EVA1A: variants seen among roughly 807,000 people sequenced by gnomAD.
EVA1A encodes the protein eva-1 homolog A, regulator of programmed cell death.
In EVA1A, 7 loss-of-function variants were observed where a neutral mutation model predicts 9.8. The ratio of observed to expected loss-of-function variants is 0.71; its 90% CI spans 0.41 to 1.34. The LOEUF (loss-of-function observed/expected upper bound fraction) is 1.34. EVA1A is among the 40% of genes most tolerant of loss of function. EVA1A has a pLI of 0.01. For missense variants in EVA1A, 206 were observed against 205.9 expected (o/e 1.00, Z 0.00); for synonymous variants, 90 against 85.6 (o/e 1.05, Z -0.28).
At chr2:75,502,108 A>G (rs1674449007) in intron 3 of EVA1A, among the ~76,000 whole-genome samples, 1 of 152,202 alleles carries the variant, frequency 6.6e-6, no homozygotes, top group African/African-American at 2.4e-5. Flanking sequence ...GTGTTAGTAG[A>G]AGTGTGTAGC....
chr2:75,555,772 C>T (rs1676689441), intron 1 of EVA1A, among the ~76,000 whole-genome samples: 1 of 152,170 alleles, frequency 6.6e-6, no homozygotes, highest in African/African-American at 2.4e-5. Flanking sequence ...CCATCTCTGC[C>T]CTCCAGTCCC....
chr2:75,522,746 T>A (rs1330266392), intron 1 of EVA1A, among the ~76,000 whole-genome samples: 1 of 152,192 alleles, frequency 6.6e-6, no homozygotes, highest in East Asian at 1.9e-4. Context: ...CAAAGAAACA[T>A]GCTTCCTCTC....
At chr2:75,509,465 T>A (rs544826546) in intron 3 of EVA1A, among the ~76,000 whole-genome samples, 1 of 152,290 alleles carries the variant, frequency 6.6e-6, no homozygotes, top group South Asian at 2.1e-4. Flanking sequence ...GGAGCACTTC[T>A]ATGAAAACAA....
At chr2:75,528,791 A>AT (rs570350590) in intron 1 of EVA1A, among the ~76,000 whole-genome samples, 66 of 152,288 alleles carry the variant, frequency 4.3e-4, no homozygotes, top group African/African-American at 1.5e-3. Context: ...GCAAGCTTGC[A>AT]TCCCCCAATA....
intron 1 of EVA1A, among the ~76,000 whole-genome samples, chr2:75,544,070 C>T (rs944450740): frequency 3.3e-4 from 51 of 152,308 alleles, no homozygotes; most frequent in Non-Finnish European, 5.7e-4. Flanking sequence ...TTATAATATA[C>T]TCATGCCCGC....
At chr2:75,540,904 G>A (rs1676092474) in intron 1 of EVA1A, 1 of 152,334 alleles carries the variant, frequency 6.6e-6, no homozygotes, top group African/African-American at 2.4e-5. Context: ...TACAACCAAG[G>A]TAGGGACAGA....
intron 3 of EVA1A, among the ~76,000 whole-genome samples, chr2:75,506,653 A>T (rs1455518195): frequency 6.6e-6 from 1 of 152,206 alleles, no homozygotes; most frequent in African/African-American, 2.4e-5. Flanking sequence ...AATATCCATG[A>T]TACATCTTTC....
At chr2:75,501,006 T>A (rs1674397645) in intron 3 of EVA1A, among the ~76,000 whole-genome samples, 1 of 151,504 alleles carries the variant, frequency 6.6e-6, no homozygotes, top group Non-Finnish European at 1.5e-5. Flanking sequence ...ACTCCTATTA[T>A]TTACCTTATT....
chr2:75,563,313 T>C (rs1271505553), upstream of EVA1A, among the ~76,000 whole-genome samples: 2 of 152,208 alleles, frequency 1.3e-5, no homozygotes, highest in African/African-American at 2.4e-5. Context: ...CTACGGGTCA[T>C]TCTCCAGAAC....
In EVA1A at chr2:75,518,171, C is replaced by G; in HGVS notation, c.-31G>C. On this transcript the variant is annotated 5_prime_UTR_variant, in exon 3 of 4. Transcript: ENST00000393913. ...ATCCAGAGGGGACCTCCTGGAGGTG[C>G]TTGGCTGAATCAACGTGGCCACTCT... is the stretch of plus-strand genomic sequence containing the variant. The G allele has an allele frequency of 6.2e-7, 1 of 1,607,420 alleles. No homozygotes were observed. Among genetic ancestry groups the G allele is most frequent in the African/African-American group, 1.3e-5 (1 of 74,624 alleles).
At chr2:75,532,108 C>T (rs1356275975) in intron 1 of EVA1A, among the ~76,000 whole-genome samples, 1 of 131,410 alleles carries the variant, frequency 7.6e-6, no homozygotes, top group African/African-American at 2.9e-5. Flanking sequence ...TGCAGTGAGC[C>T]GAGATCAGGC....
At chr2:75,500,945 C>T (rs1003606153) in intron 3 of EVA1A, among the ~76,000 whole-genome samples, 15 of 152,102 alleles carry the variant, frequency 9.9e-5, no homozygotes, top group South Asian at 8.3e-4. Flanking sequence ...CACTTCCTTC[C>T]ACCTTCAATT....
intron 3 of EVA1A, among the ~76,000 whole-genome samples, chr2:75,514,027 T>C (rs1254154353): frequency 1.3e-5 from 2 of 152,184 alleles, no homozygotes; most frequent in African/African-American, 4.8e-5. Context: ...AAGAATTGCA[T>C]CATCACATCC....
intron 3 of EVA1A, among the ~76,000 whole-genome samples, chr2:75,499,044 C>T (rs1288597982): frequency 2.0e-5 from 3 of 152,204 alleles, no homozygotes; most frequent in South Asian, 2.1e-4. Flanking sequence ...AACATGCTAT[C>T]TGATGACAGG....
chr2:75,492,992 T>TTG lies in EVA1A; in HGVS notation c.*242_*243dup. 1.9e-6 allele frequency: 1 copy of TTG among 537,038 alleles called. No homozygotes were observed. Among genetic ancestry groups the TTG allele is most frequent in the Non-Finnish European group, 3.3e-6 (1 of 306,416 alleles). 33.3% of individuals were successfully genotyped at this position (537,038 alleles called of 1,614,324 possible). A position where few individuals can be genotyped will look rare whatever the true frequency, so the allele number is the denominator to read the frequency against. On this transcript the variant is annotated 3_prime_UTR_variant, in exon 4 of 4. Coordinates refer to ENST00000393913, the MANE Select transcript of EVA1A (RefSeq NM_001135032.2). ...GTTTCTCCGATCTCCATCCACAGTG[T>TTG]TGGAGAGGATTTTTCAGCACCATTC...
intron 3 of EVA1A, among the ~76,000 whole-genome samples, chr2:75,499,802 G>A (rs1025787764): frequency 4.6e-5 from 7 of 152,136 alleles, no homozygotes; most frequent in East Asian, 1.9e-4. Flanking sequence ...CACTGACTAT[G>A]CCTAAGTCCC....
At chr2:75,553,569 A>G (rs971353636) in intron 1 of EVA1A, among the ~76,000 whole-genome samples, 11 of 152,218 alleles carry the variant, frequency 7.2e-5, no homozygotes, top group Non-Finnish European at 1.0e-4. Context: ...GAAGGTGTCA[A>G]TAAGTGTTGG....
intron 1 of EVA1A, among the ~76,000 whole-genome samples, chr2:75,557,412 T>C (rs1238232319): frequency 1.3e-5 from 2 of 152,226 alleles, no homozygotes. Flanking sequence ...TAAATTCCCT[T>C]AGCCAGTTTT....
At chr2:75,499,164 C>A (rs1275356781) in intron 3 of EVA1A, among the ~76,000 whole-genome samples, 2 of 152,154 alleles carry the variant, frequency 1.3e-5, no homozygotes, top group Non-Finnish European at 2.9e-5. Context: ...GACTTGGCCT[C>A]CCTGGATTGG....
Sources: gnomAD v4.1 joint callset for allele counts (sites outside exome capture counted in the v4.1 genomes callset) on GRCh38, gnomAD v4.1.1 for gene constraint, MANE v1.5 for transcripts, NCBI Gene and HGNC (gene_info 2026-07-23, HGNC 2026-07-21) for gene names.